Variants in CPM observed in about 807,000 individuals in gnomAD.
CPM encodes the protein renal carboxypeptidase.
A neutral mutation model predicts 46.4 loss-of-function variants in CPM; 35 were observed. The observed-to-expected ratio is 0.75, with a 90% CI of 0.58 to 1.00. The LOEUF (loss-of-function observed/expected upper bound fraction) is 1.00, where lower values mean the gene tolerates loss of function less well. Ranked by LOEUF, CPM falls within the 50% of genes least tolerant of loss-of-function variation. The pLI is 0.00. For synonymous variants in CPM, 195 were observed against 195.3 expected (o/e 1.00, Z 0.01); for missense variants, 422 against 530.4 (o/e 0.80, Z 2.01).
At chr12:68,925,696 G>A (rs1888230028) in intron 2 of CPM, among the ~76,000 whole-genome samples, 1 of 152,138 alleles carries the variant, frequency 6.6e-6, no homozygotes, top group African/African-American at 2.4e-5. Context: ...TTTGGATGGT[G>A]AGATTTTAAT....
chr12:68,915,154 G>C (rs1235127058), intron 2 of CPM, among the ~76,000 whole-genome samples: 3 of 152,036 alleles, frequency 2.0e-5, no homozygotes, highest in African/African-American at 7.3e-5. Flanking sequence ...CAATTTTAGT[G>C]AGAAATTACG....
chr12:68,861,195 T>C (rs1038018825), intron 7 of CPM, among the ~76,000 whole-genome samples: 6 of 152,120 alleles, frequency 3.9e-5, no homozygotes, highest in Admixed American at 6.5e-5. Context: ...TTTCTTTCCT[T>C]TCCTCTTATT....
At chr12:68,862,832 C>T (rs1445945518) in intron 7 of CPM, among the ~76,000 whole-genome samples, 8 of 147,484 alleles carry the variant, frequency 5.4e-5, no homozygotes, top group South Asian at 4.3e-4. Flanking sequence ...CCCTAAGAGA[C>T]GCAGAGAGAG....
chr12:68,871,864 G>T lies in CPM; in HGVS notation c.351C>A (p.Thr117=). Residue 117 remains threonine, a synonymous_variant, in exon 4 of 9, where the codon ACC becomes ACA. Transcript: ENST00000551568. Reference sequence around the variant, plus strand: ...TCATGGAAGGCATGATGTGTATCCGGGTACTATTGATCAGATTTGTGATTT... The same window carrying T: ...TCATGGAAGGCATGATGTGTATCCGTGTACTATTGATCAGATTTGTGATTT... ...DPEITNLINS[T]RIHIMPSMNP... is the part of the protein sequence containing the mutation. 1 of 1,614,126 alleles carries T rather than the reference G, an allele frequency of 6.2e-7. No homozygotes were observed. The highest frequency in any genetic ancestry group is 2.2e-5 in the East Asian group (1 of 44,880).
At chr12:68,867,527 G>A (rs1713787589) in intron 6 of CPM, among the ~76,000 whole-genome samples, 1 of 152,202 alleles carries the variant, frequency 6.6e-6, no homozygotes, top group Non-Finnish European at 1.5e-5. Flanking sequence ...GGTACCATAT[G>A]AAGTGCTTTG....
rs983239789 is a variant in CPM at position 68,866,965 on chromosome 12, C to G, written c.871G>C (p.Glu291Gln). The change falls in exon 7 of 9, where the codon GAG becomes CAG. Residue 291 changes from glutamate (E) to glutamine (Q), a missense_variant. Coordinates refer to ENST00000551568, the MANE Select transcript of CPM (RefSeq NM_198320.5). ...TTATTCCAAAAGGATGGAAGCTTCT[C>G]CTCACGAGGATATTTACAGCATGAC... ...ELSCCKYPRE[E>Q]KLPSFWNNNK... 2 of 1,614,022 alleles carry G rather than the reference C, an allele frequency of 1.2e-6. No individual in the cohort carries two copies. The highest frequency in any genetic ancestry group is 2.7e-5 in the African/African-American group (2 of 74,936).
At chr12:68,935,200 G>A (rs1267162858), upstream of CPM, among the ~76,000 whole-genome samples, 1 of 150,410 alleles carries the variant, frequency 6.6e-6, no homozygotes, top group African/African-American at 2.4e-5. Context: ...GTGAGCCACC[G>A]TGCCTGGCCA....
chr12:68,887,740 G>A (rs1886492745), intron 2 of CPM, among the ~76,000 whole-genome samples: 1 of 152,186 alleles, frequency 6.6e-6, no homozygotes, highest in African/African-American at 2.4e-5. Context: ...ACTAGAGTGT[G>A]ACATATGATA....
chr12:68,884,697 C>A (rs1262621725), intron 3 of CPM, among the ~76,000 whole-genome samples: 1 of 152,164 alleles, frequency 6.6e-6, no homozygotes, highest in Non-Finnish European at 1.5e-5. Flanking sequence ...ACTGGGATGG[C>A]TGGGGACTCT....
intron 1 of CPM, among the ~76,000 whole-genome samples, chr12:68,939,567 T>G (rs1888729292): frequency 1.3e-5 from 2 of 152,000 alleles, no homozygotes; most frequent in Non-Finnish European, 1.5e-5. Flanking sequence ...GACAAAAATA[T>G]AGCATCTCAC....
intron 2 of CPM, among the ~76,000 whole-genome samples, chr12:68,897,865 C>T (rs143094683): frequency 1.7e-3 from 255 of 151,998 alleles, no homozygotes; most frequent in African/African-American, 4.0e-3. Flanking sequence ...TTTCTTGCTG[C>T]CCTATTGGTC....
chr12:68,881,593 G>A (rs1886191438), intron 3 of CPM, among the ~76,000 whole-genome samples: 1 of 152,056 alleles, frequency 6.6e-6, no homozygotes, highest in Non-Finnish European at 1.5e-5. Flanking sequence ...TTTGGTAAAA[G>A]TACATGCACA....
At chr12:68,923,158 AGAGT>A (rs149340017) in intron 2 of CPM, among the ~76,000 whole-genome samples, 17,759 of 131,482 alleles carry the variant, frequency 0.14, 1,497 homozygotes, top group East Asian at 0.18. Flanking sequence ...TATTTGATAT[AGAGT>A]GTGTGTGTGT....
chr12:68,843,992 T>G, intron 5 of CPM: 1 of 208,384 alleles, frequency 4.8e-6, no homozygotes, highest in East Asian at 7.3e-5. Context: ...AGAATCTGTT[T>G]TTTTCTGAGG....
intron 2 of CPM, among the ~76,000 whole-genome samples, chr12:68,887,909 C>T (rs1036818969): frequency 7.9e-5 from 12 of 152,192 alleles, no homozygotes; most frequent in Admixed American, 2.6e-4. Flanking sequence ...TGGACAAGTA[C>T]ACTACATGTG....
intron 7 of CPM, among the ~76,000 whole-genome samples, chr12:68,863,305 G>C (rs995055781): frequency 1.3e-5 from 2 of 152,164 alleles, no homozygotes; most frequent in Non-Finnish European, 2.9e-5. Context: ...GGAAAGACAG[G>C]GCCGCAGCAG....
chr12:68,942,466 T>C lies in CPM; in HGVS notation c.-3-9626A>G, dbSNP rs539984386. 2.0e-5 allele frequency among the ~76,000 whole-genome samples: 3 copies of C among 152,364 alleles called. No homozygotes were observed. The South Asian group carries it at 6.2e-4, about 32-fold the overall frequency. On this transcript the variant is annotated intron_variant, in intron 1 of 8. Transcript: ENST00000546373. Reference sequence around the variant, plus strand: ...ATGACTATAAAATCATGCACCGTTATCACACTATTGTCCCTTGTTGGCACT... The same window carrying C: ...ATGACTATAAAATCATGCACCGTTACCACACTATTGTCCCTTGTTGGCACT...
intron 3 of CPM, among the ~76,000 whole-genome samples, chr12:68,877,397 T>C (rs1047591412): frequency 1.3e-5 from 2 of 152,226 alleles, no homozygotes; most frequent in African/African-American, 4.8e-5. Context: ...AAGACTATCC[T>C]GAGGAAGAAC....
At chr12:68,952,824 C>T (rs534779064) in intron 1 of CPM, among the ~76,000 whole-genome samples, 37 of 152,230 alleles carry the variant, frequency 2.4e-4, no homozygotes, top group African/African-American at 7.9e-4. Context: ...CTTTGATGCC[C>T]GCCTGAGTTT....
Sources: gnomAD v4.1 joint callset for allele counts (sites outside exome capture counted in the v4.1 genomes callset) on GRCh38, gnomAD v4.1.1 for gene constraint, MANE v1.5 for transcripts, NCBI Gene and HGNC (gene_info 2026-07-23, HGNC 2026-07-21) for gene names.